Variants in NEDD9 observed in about 807,000 individuals in gnomAD.
NEDD9 encodes enhancer of filamentation 1.
A neutral mutation model predicts 76.6 loss-of-function variants in NEDD9; 26 were observed. The observed-to-expected ratio is 0.34, with a 90% CI of 0.25 to 0.47. NEDD9 has a LOEUF of 0.47. NEDD9 is among the 20% of genes least tolerant of loss of function. The pLI is 1.00. For missense variants in NEDD9, 937 were observed against 1,058.5 expected, an observed-to-expected ratio of 0.89 and a Z score of 1.59; for synonymous variants, 392 against 414.2, an observed-to-expected ratio of 0.95 and a Z score of 0.65.
chr6:11,281,841 G>A (rs1371291582), intron 3 of NEDD9, among the ~76,000 whole-genome samples: 1 of 152,076 alleles, frequency 6.6e-6, no homozygotes, highest in African/African-American at 2.4e-5. Flanking sequence ...GCAAACTCCT[G>A]GGTTCAAACA....
At chr6:11,262,662 C>T (rs965876432) in intron 3 of NEDD9, among the ~76,000 whole-genome samples, 7 of 152,194 alleles carry the variant, frequency 4.6e-5, no homozygotes, top group Non-Finnish European at 1.0e-4. Flanking sequence ...AAAAGCATTT[C>T]CATCCTCACA....
intron 3 of NEDD9, among the ~76,000 whole-genome samples, chr6:11,246,729 G>T (rs1759820063): frequency 6.6e-6 from 1 of 152,150 alleles, no homozygotes; most frequent in South Asian, 2.1e-4. Flanking sequence ...CTCCCTTGCA[G>T]TATTCTATTT....
intron 2 of NEDD9, among the ~76,000 whole-genome samples, chr6:11,322,214 A>T (rs932629304): frequency 1.3e-5 from 2 of 152,170 alleles, no homozygotes; most frequent in African/African-American, 4.8e-5. Context: ...ATTAGGACAA[A>T]TATCTAATGC....
intron 3 of NEDD9, among the ~76,000 whole-genome samples, chr6:11,294,100 T>C (rs546551543): frequency 3.7e-4 from 57 of 152,324 alleles, no homozygotes; most frequent in Non-Finnish European, 7.2e-4. Flanking sequence ...AGGTTGATTC[T>C]ATATCCTGGC....
chr6:11,274,009 T>G (rs1760366897), intron 3 of NEDD9, among the ~76,000 whole-genome samples: 1 of 152,208 alleles, frequency 6.6e-6, no homozygotes, highest in African/African-American at 2.4e-5. Flanking sequence ...AAGGCTGCAA[T>G]GAACATGCTA....
chr6:11,334,613 AT>A (rs1398046659), intron 1 of NEDD9: 3 of 152,150 alleles, frequency 2.0e-5, no homozygotes, highest in African/African-American at 7.2e-5. Flanking sequence ...CATTGTTGGA[AT>A]TTGCTGTTTG....
chr6:11,217,000 TC>T (rs770076778), intron 1 of NEDD9, among the ~76,000 whole-genome samples: 1 of 152,206 alleles, frequency 6.6e-6, no homozygotes, highest in Non-Finnish European at 1.5e-5. Context: ...TTGGTTGCAT[TC>T]AAGGGAACTT....
chr6:11,269,340 T>C (rs1222883931), intron 3 of NEDD9, among the ~76,000 whole-genome samples: 1 of 152,254 alleles, frequency 6.6e-6, no homozygotes, highest in African/African-American at 2.4e-5. Flanking sequence ...TTTTCTTTTG[T>C]AGAGCGTGGA....
intron 2 of NEDD9, among the ~76,000 whole-genome samples, chr6:11,319,715 C>T (rs1166523689): frequency 1.4e-5 from 2 of 138,560 alleles, no homozygotes; most frequent in African/African-American, 3.0e-5. Context: ...CACACACAAA[C>T]ATGCACACTC....
intron 1 of NEDD9, among the ~76,000 whole-genome samples, chr6:11,371,537 A>C (rs1323601528): frequency 1.3e-5 from 2 of 152,182 alleles, no homozygotes; most frequent in African/African-American, 4.8e-5. Context: ...CAGCTTTTTC[A>C]GATTGGCTTC....
chr6:11,357,410 A>T lies in NEDD9; in HGVS notation c.-213-22849T>A, dbSNP rs562894409. Among the ~76,000 whole-genome samples, 68 of 152,302 alleles carry T rather than the reference A, an allele frequency of 4.5e-4. 1 individual carries two copies. The highest frequency in any genetic ancestry group is 1.6e-3 in the African/African-American group (66 of 41,562). On this transcript the variant is annotated intron_variant, in intron 1 of 3. Transcript: ENST00000397378. The stretch of plus-strand genomic sequence containing the variant: ...TAGTCTGAGAAATGTTTCTTGGACT[A>T]CAGAGACCTATTCATGGCCACAACC...
chr6:11,321,584 A>G (rs1191056346), intron 2 of NEDD9, among the ~76,000 whole-genome samples: 1 of 152,194 alleles, frequency 6.6e-6, no homozygotes, highest in Non-Finnish European at 1.5e-5. Flanking sequence ...TTTCCCTTCA[A>G]CTAGACCTGA....
At chr6:11,344,908 A>G (rs1324554663) in intron 1 of NEDD9, among the ~76,000 whole-genome samples, 1 of 152,232 alleles carries the variant, frequency 6.6e-6, no homozygotes, top group East Asian at 1.9e-4. Context: ...TGTGGAAAAG[A>G]GTCGAAGTAC....
chr6:11,197,469 T>C (rs890036578), intron 2 of NEDD9, among the ~76,000 whole-genome samples: 1 of 152,162 alleles, frequency 6.6e-6, no homozygotes, highest in Non-Finnish European at 1.5e-5. Context: ...GGATTTTCTG[T>C]CCCTAGGAGG....
chr6:11,314,006 A>G lies in NEDD9; in HGVS notation c.-152-7851T>C, dbSNP rs1235528185. On this transcript the variant is annotated intron_variant, in intron 2 of 3. Transcript: ENST00000397378. ...TTTTTCTCAAAAATCCTGATTTAAT[A>G]AAATTTATTTTTTTCTAGTAAAGGA... Among the ~76,000 whole-genome samples, 5 of 152,228 alleles carry G rather than the reference A, an allele frequency of 3.3e-5. 1 individual carries two copies. Among genetic ancestry groups the G allele is most frequent in the Non-Finnish European group, 5.9e-5 (4 of 68,040 alleles).
chr6:11,356,373 A>C (rs1762575494), intron 1 of NEDD9, among the ~76,000 whole-genome samples: 1 of 152,224 alleles, frequency 6.6e-6, no homozygotes, highest in Admixed American at 6.5e-5. Context: ...GTATTTTTAC[A>C]AAATCTTTGC....
chr6:11,256,478 T>C (rs147472281), intron 3 of NEDD9, among the ~76,000 whole-genome samples: 7 of 152,316 alleles, frequency 4.6e-5, no homozygotes, highest in African/African-American at 1.7e-4. Context: ...ACAGAATTTA[T>C]TAGTATTTAA....
At chr6:11,328,548 G>A (rs1035258585) in intron 2 of NEDD9, 4 of 152,194 alleles carry the variant, frequency 2.6e-5, no homozygotes, top group African/African-American at 9.7e-5. Flanking sequence ...TGGGTGTAGG[G>A]ATGGCTTCTC....
chr6:11,329,091 T>A (rs555843608), intron 2 of NEDD9, among the ~76,000 whole-genome samples: 4 of 152,202 alleles, frequency 2.6e-5, no homozygotes, highest in Non-Finnish European at 5.9e-5. Context: ...GCACAGCACA[T>A]AAAGTCTTGC....
Sources: gnomAD v4.1 joint callset for allele counts (sites outside exome capture counted in the v4.1 genomes callset) on GRCh38, gnomAD v4.1.1 for gene constraint, MANE v1.5 for transcripts, NCBI Gene and HGNC (gene_info 2026-07-23, HGNC 2026-07-21) for gene names.